POLD1: variants seen among roughly 807,000 people sequenced by gnomAD.
POLD1 encodes DNA polymerase delta catalytic subunit.
In POLD1, 79 loss-of-function variants were observed where a neutral mutation model predicts 129.7. The ratio of observed to expected loss-of-function variants is 0.61; its 90% confidence interval spans 0.51 to 0.73. The LOEUF is 0.73. POLD1 is among the 30% of genes least tolerant of loss of function. The pLI is 0.00. For missense variants in POLD1, 1,338 were observed against 1,595.8 expected, an observed-to-expected ratio of 0.84 and a Z score of 2.75; for synonymous variants, 714 against 683.3, an observed-to-expected ratio of 1.04 and a Z score of -0.70.
chr19:50,385,380 G>T (rs2037934379), intron 1 of POLD1, among the ~76,000 whole-genome samples: 1 of 152,112 alleles, frequency 6.6e-6, no homozygotes, highest in African/African-American at 2.4e-5. Context: ...GGCTAAGGGA[G>T]AAGCAGGTTG....
chr19:50,414,807 C>T lies in POLD1; in HGVS notation c.2389-8C>T, dbSNP rs1057522575. ...AGGCTCAGGGTCTTGGCCATGGCTC[C>T]CTCCCAGGTCTACTTCCCATACCTG... On this transcript the variant is annotated splice_region_variant and splice_polypyrimidine_tract_variant and intron_variant, in intron 19 of 26. Coordinates refer to ENST00000440232, the MANE Select transcript of POLD1 (RefSeq NM_002691.4). The T allele has an allele frequency of 2.0e-6, 3 of 1,522,410 alleles. No individual in the cohort carries two copies. Among genetic ancestry groups the T allele is most frequent in the Non-Finnish European group, 1.8e-6 (2 of 1,127,630 alleles). 94.3% of individuals were successfully genotyped at this position (1,522,410 alleles called of 1,614,324 possible).
chr19:50,417,665 A>G (rs2039364952), intron 26 of POLD1, among the ~76,000 whole-genome samples, 177 bp from the exon 27 acceptor site: 1 of 141,204 alleles, frequency 7.1e-6, no homozygotes, highest in African/African-American at 2.9e-5. Flanking sequence ...ACCCGCTGTT[A>G]TCGGCTCCCC....
rs2039027333 is a variant in POLD1, at chr19:50,409,713, C to T, written c.2154+47C>T. 6.4e-7 allele frequency: 1 copy of T among 1,555,832 alleles called. No homozygotes were observed. Among genetic ancestry groups the T allele is most frequent in the African/African-American group, 1.4e-5 (1 of 73,294 alleles). ...AGGCAACTGGGGGCAGGTGGGCCCCCTGTGTAGGAGACCAGGGCTCCATGT... is the reference window on the plus strand; with the variant it reads ...AGGCAACTGGGGGCAGGTGGGCCCCTTGTGTAGGAGACCAGGGCTCCATGT... On this transcript the variant is annotated intron_variant, in intron 17 of 26. Coordinates refer to ENST00000440232, the MANE Select transcript of POLD1 (RefSeq NM_002691.4). The surrounding 1 kb of genome is among the most constrained non-coding windows in gnomAD (Gnocchi z 5.8).
intron 19 of POLD1, among the ~76,000 whole-genome samples, chr19:50,414,152 C>T (rs1191496080): frequency 6.6e-6 from 1 of 152,262 alleles, no homozygotes; most frequent in Non-Finnish European, 1.5e-5. Flanking sequence ...AGATGTGGAG[C>T]TGCCCTCCAC....
rs3219452 is a variant in POLD1, at chr19:50,417,649, C to A, written c.3219-193C>A. ...CGGCCAGCCATGGCCCTGCACCTCG[C>A]CAGGCACCCGCTGTTATCGGCTCCC... On this transcript the variant is annotated intron_variant, in intron 26 of 26. Coordinates refer to ENST00000440232, the MANE Select transcript of POLD1 (RefSeq NM_002691.4). Among the ~76,000 whole-genome samples the A allele has an allele frequency of 9.7e-3, 1,464 of 151,634 alleles. 22 individuals carry two copies. Among genetic ancestry groups the A allele is most frequent in the African/African-American group, 0.033 (1,363 of 41,124 alleles).
rs755198962 is a variant in POLD1 at position 50,403,158 on chromosome 19, C to A, written c.1076C>A (p.Pro359His). The A allele has an allele frequency of 3.2e-6, 5 of 1,561,612 alleles. No homozygotes were observed. The South Asian group carries it at 5.9e-5, about 18-fold the overall frequency. The change falls in exon 9 of 27, where the codon CCC becomes CAC. Residue 359 changes from proline to histidine, a missense_variant. Pro to His is a moderately conservative substitution (Grantham distance 77). This residue lies in a region of POLD1 where 720 missense variants were observed against 1,002.6 expected (regional missense o/e 0.72). Transcript: ENST00000440232. ...CTACGCCTGGCGCTCACCCTGCGGCCCTGTGCCCCCATCCTGGGTGCCAAG... is the reference window on the plus strand; with the variant it reads ...CTACGCCTGGCGCTCACCCTGCGGCACTGTGCCCCCATCCTGGGTGCCAAG... The part of the protein sequence containing the change: ...PFLRLALTLR[P>H]CAPILGAKVQ...
intron 1 of POLD1, among the ~76,000 whole-genome samples, chr19:50,393,225 C>T (rs1300941178): frequency 6.6e-6 from 1 of 152,140 alleles, no homozygotes; most frequent in East Asian, 1.9e-4. Context: ...TGTTTTATCA[C>T]CCCAGAAACC....
rs759987234 is a variant in POLD1, at chr19:50,414,971, C to T, written c.2545C>T (p.Arg849Cys). 125 of 1,592,276 alleles carry T rather than the reference C, an allele frequency of 7.9e-5. No homozygotes were observed. The highest frequency in any genetic ancestry group is 4.7e-4 in the South Asian group (42 of 89,014). ...LVANLVTASL[R>C]RLLIDRDPEG... is the part of the protein sequence containing the mutation. ...GGCCAACCTGGTCACTGCCTCACTGCGCCGCCTGCTCATCGACCGGTGTGT... is the reference window on the plus strand; with the variant it reads ...GGCCAACCTGGTCACTGCCTCACTGTGCCGCCTGCTCATCGACCGGTGTGT... Residue 849 changes from arginine (R) to cysteine (C), a missense_variant, in exon 20 of 27, where the codon CGC becomes TGC. Physicochemically the swap from Arg to Cys is radical, Grantham distance 180 (BLOSUM62 -3). This residue lies in a region of POLD1 where 720 missense variants were observed against 1,002.6 expected (regional missense o/e 0.72). Transcript: ENST00000440232.
At position 50,401,889 on chromosome 19, in the gene POLD1, G is replaced by A. The variant is rs1406566934; in HGVS notation, c.428G>A (p.Gly143Asp). ...TTCTCTGTCTGCTGCCACATCCACG[G>A]CTTCGCTCCCTACTTCTACACCCCA... ...EGFSVCCHIH[G>D]FAPYFYTPAP... Residue 143 changes from glycine to aspartate, a missense_variant, in exon 4 of 27, where the codon GGC (glycine) becomes GAC (aspartate). By Grantham distance (94) the Gly-to-Asp change is moderately conservative. This residue lies in a region of POLD1 where 332 missense variants were observed against 315.7 expected (regional missense o/e 1.05). Coordinates refer to ENST00000440232, the MANE Select transcript of POLD1 (RefSeq NM_002691.4). 1 of 1,614,016 alleles carries A rather than the reference G, an allele frequency of 6.2e-7. No individual in the cohort carries two copies. The highest frequency in any genetic ancestry group is 2.2e-5 in the East Asian group (1 of 44,862).
intron 1 of POLD1, among the ~76,000 whole-genome samples, chr19:50,389,431 C>T (rs1311571517): frequency 6.6e-6 from 1 of 151,914 alleles, no homozygotes; most frequent in Non-Finnish European, 1.5e-5. Context: ...CTCCAGCAGT[C>T]AGCTCTTAAG....
At position 50,396,736 on chromosome 19, in the gene POLD1, A is replaced by G. The variant is rs531843890; in HGVS notation, c.-1-2115A>G. Among the ~76,000 whole-genome samples the G allele has an allele frequency of 9.2e-5, 14 of 152,136 alleles. 1 individual carries two copies. The South Asian group carries it at 2.9e-3, about 32-fold the overall frequency. On this transcript the variant is annotated intron_variant, in intron 1 of 26. Coordinates refer to ENST00000440232, the MANE Select transcript of POLD1 (RefSeq NM_002691.4). ...ACCTCATGATTCACCTGCCTCCTAA[A>G]GTGCTGGGATTACAGGTGTGAGCCA... is the stretch of plus-strand genomic sequence containing the variant.
At position 50,408,761 on chromosome 19, in the gene POLD1, C is replaced by T. The variant is rs757790145; in HGVS notation, c.1776-24C>T. On this transcript the variant is annotated intron_variant, in intron 14 of 26. Coordinates refer to ENST00000440232, the MANE Select transcript of POLD1 (RefSeq NM_002691.4). ...CATGGGAACTCCTAGCCCTGACTCC[C>T]GGCCGCGGCTGCTCCCCTCCCAGGT... 36 of 1,612,460 alleles carry T rather than the reference C, an allele frequency of 2.2e-5. No individual in the cohort carries two copies. Among genetic ancestry groups the T allele is most frequent in the African/African-American group, 5.3e-5 (4 of 74,898 alleles).
At chr19:50,415,157 CTT>C (rs1430792563) in intron 20 of POLD1, among the ~76,000 whole-genome samples, 167 bp downstream of exon 20, 1 of 152,062 alleles carries the variant, frequency 6.6e-6, no homozygotes, top group East Asian at 1.9e-4. Flanking sequence ...CCCTTCCTCT[CTT>C]AGATACAAGA....
At chr19:50,414,464 G>C (rs1438619983) in intron 19 of POLD1, among the ~76,000 whole-genome samples, 1 of 152,258 alleles carries the variant, frequency 6.6e-6, no homozygotes, top group South Asian at 2.1e-4. Flanking sequence ...GAGCCTCGCA[G>C]AGTGGGGAGG....
rs1275587493 is a variant in POLD1 at position 50,409,731 on chromosome 19, C to T, written c.2154+65C>T. On this transcript the variant is annotated intron_variant, in intron 17 of 26. Transcript: ENST00000440232. This position sits in a 1 kb window ranked among gnomAD's most constrained non-coding sequence, Gnocchi z 5.8. Reference sequence around the variant, plus strand: ...GGGCCCCCTGTGTAGGAGACCAGGGCTCCATGTGGGGGACCTGTATCCAGA... The same window carrying T: ...GGGCCCCCTGTGTAGGAGACCAGGGTTCCATGTGGGGGACCTGTATCCAGA... 2.0e-6 allele frequency: 3 copies of T among 1,502,916 alleles called. No individual in the cohort carries two copies. The African/African-American group carries it at 4.2e-5, about 21-fold the overall frequency. The allele number at this position is 1,502,916 out of a possible 1,614,324, so 93.1% of individuals were successfully genotyped here.
Position 50,402,057 on chromosome 19 carries a change from G to A in POLD1, c.522G>A (p.Arg174=), listed in dbSNP as rs774283364. ...LQRELNLAIS[R]DSRGGRELTG... ...GGGAGCTGAACTTGGCCATCAGCCG[G>A]GACAGTCGCGGGGGGAGGGAGCTGA... The change falls in exon 5 of 27, where the codon CGG becomes CGA. Residue 174 remains arginine, a synonymous_variant. Transcript: ENST00000440232. The A allele has an allele frequency of 6.2e-6, 10 of 1,614,066 alleles. 1 individual carries two copies. The South Asian group carries it at 1.1e-4, about 18-fold the overall frequency.
chr19:50,399,526 C>T (rs1323885234), intron 3 of POLD1, 42 bp downstream of exon 3: 2 of 1,468,556 alleles, frequency 1.4e-6, no homozygotes, highest in Non-Finnish European at 1.9e-6. Flanking sequence ...GCCCTGCGCT[C>T]CTGGGGCAGA....
rs373875163 is a variant in POLD1 at position 50,408,443 on chromosome 19, G to A, written c.1776-342G>A. Among the ~76,000 whole-genome samples, 13 of 151,862 alleles carry A rather than the reference G, an allele frequency of 8.6e-5. No homozygotes were observed. The East Asian group carries it at 1.2e-3, about 14-fold the overall frequency. ...CACTCTGTCACCCAGGGTGGAGTGC[G>A]GTGGCATGATCTTGGCTTACTCCAC... On this transcript the variant is annotated intron_variant, in intron 14 of 26. Transcript: ENST00000440232.
Position 50,406,577 on chromosome 19 carries a change from G to A in POLD1, c.1494+60G>A, listed in dbSNP as rs562977756. 5 of 1,281,268 alleles carry A rather than the reference G, an allele frequency of 3.9e-6. No homozygotes were observed. Among genetic ancestry groups the A allele is most frequent in the Non-Finnish European group, 5.5e-6 (5 of 904,164 alleles). 79.4% of individuals were successfully genotyped at this position (1,281,268 alleles called of 1,614,324 possible). On this transcript the variant is annotated intron_variant, in intron 12 of 26. Coordinates refer to ENST00000440232, the MANE Select transcript of POLD1 (RefSeq NM_002691.4). This position sits in a 1 kb window ranked among gnomAD's most constrained non-coding sequence, Gnocchi z 5.5. ...TCTGACCTCCACCTCACCCTTCCCC[G>A]GCCTCTGACCTCAACTTCACGCCCC...
Sources: gnomAD v4.1 joint callset for allele counts (sites outside exome capture counted in the v4.1 genomes callset) on GRCh38, gnomAD v4.1.1 for gene constraint, gnomAD v4.1.1 regional missense constraint, Gnocchi (gnomAD v3.1) non-coding constraint, MANE v1.5 for transcripts, NCBI Gene and HGNC (gene_info 2026-07-23, HGNC 2026-07-21) for gene names.